GOLIM4: variants seen among roughly 807,000 people sequenced by gnomAD.
The protein encoded by GOLIM4 is golgi integral membrane protein 4.
A neutral mutation model predicts 107.4 loss-of-function variants in GOLIM4; 71 were observed. That is an observed-to-expected ratio of 0.66 (90% CI 0.55 to 0.81). GOLIM4 has a LOEUF of 0.81. Among genes scored for constraint, GOLIM4 ranks in the 30% least tolerant of loss-of-function variants. The pLI is 0.00. For synonymous variants in GOLIM4, 327 were observed against 294.8 expected (o/e 1.11, Z -1.12); for missense variants, 830 against 826.1 (o/e 1.00, Z -0.06).
At chr3:168,075,541 G>A (rs538780747) in intron 1 of GOLIM4, among the ~76,000 whole-genome samples, 3 of 151,678 alleles carry the variant, frequency 2.0e-5, no homozygotes, top group South Asian at 2.1e-4. Context: ...CTCGTGATCC[G>A]CCTGCCTCGG....
At chr3:168,051,972 G>C (rs1040514407) in intron 1 of GOLIM4, among the ~76,000 whole-genome samples, 1 of 152,138 alleles carries the variant, frequency 6.6e-6, no homozygotes, top group African/African-American at 2.4e-5. Flanking sequence ...CCTTCGAACT[G>C]AAAAATCTAG....
chr3:168,043,351 T>A, intron 5 of GOLIM4, 28 bp downstream of exon 5: 1 of 1,532,100 alleles, frequency 6.5e-7, no homozygotes, highest in South Asian at 1.2e-5. Context: ...TATTTAGAGA[T>A]AAACTGGCTA....
rs368453798 is a variant in GOLIM4 at position 168,024,505 on chromosome 3, C to T, written c.1860+21G>A. ...TGTGACAGACCAATCTGATCAGTCT[C>T]TGGGATTCAATCCTTACTACCTCCT... On this transcript the variant is annotated intron_variant, in intron 14 of 15. Transcript: ENST00000470487. The T allele has an allele frequency of 2.7e-4, 423 of 1,538,992 alleles. 2 individuals are homozygous for T. The highest frequency in any genetic ancestry group is 1.7e-4 in the Middle Eastern group (1 of 5,940).
At chr3:168,027,886 T>C (rs939261810) in intron 11 of GOLIM4, 49 bp from the exon 12 acceptor site, 1 of 1,220,236 alleles carries the variant, frequency 8.2e-7, no homozygotes, top group African/African-American at 1.5e-5. Flanking sequence ...TCAAACAGGA[T>C]TTCCCTTTCA....
At chr3:168,045,221 C>T (rs1261195157) in intron 3 of GOLIM4, among the ~76,000 whole-genome samples, 1 of 152,056 alleles carries the variant, frequency 6.6e-6, no homozygotes, top group Non-Finnish European at 1.5e-5. Context: ...AGTCACCGCG[C>T]AGGGCTAATA....
intron 1 of GOLIM4, among the ~76,000 whole-genome samples, chr3:168,057,614 G>T (rs1318199399): frequency 6.6e-6 from 1 of 152,136 alleles, no homozygotes; most frequent in African/African-American, 2.4e-5. Flanking sequence ...CTCCCACCAG[G>T]TCCCTCCCTC....
chr3:168,024,534 C>T lies in GOLIM4; in HGVS notation c.1852G>A (p.Glu618Lys). The stretch of plus-strand genomic sequence containing the variant: ...GATTCAATCCTTACTACCTCCTCTT[C>T]TGCCTCTTCCTGGTACTGTTCATCA... ...NVDEQYQEEA[E>K]EEVQEDLTEE... Residue 618 changes from glutamate (E) to lysine (K), a missense_variant, in exon 14 of 16, where the codon GAA (glutamate) becomes AAA (lysine). Glu to Lys is a moderately conservative substitution (Grantham distance 56). Transcript: ENST00000470487. 6.2e-7 allele frequency: 1 copy of T among 1,609,178 alleles called. No individual in the cohort carries two copies. The highest frequency in any genetic ancestry group is 8.5e-7 in the Non-Finnish European group (1 of 1,175,446).
intron 10 of GOLIM4, 33 bp downstream of exon 10, chr3:168,029,746 GC>G (rs760658449): frequency 4.4e-6 from 7 of 1,604,334 alleles, no homozygotes; most frequent in Non-Finnish European, 4.3e-6. Context: ...TGGAGCAGGG[GC>G]TGTCTTCGTT....
At chr3:168,078,372 C>A (rs1329464490) in intron 1 of GOLIM4, among the ~76,000 whole-genome samples, 1 of 152,050 alleles carries the variant, frequency 6.6e-6, no homozygotes, top group Non-Finnish European at 1.5e-5. Flanking sequence ...ATCACCACTG[C>A]CCTTTTGCCA....
intron 1 of GOLIM4, among the ~76,000 whole-genome samples, chr3:168,053,485 A>G (rs1200188095): frequency 6.6e-6 from 1 of 152,260 alleles, no homozygotes; most frequent in African/African-American, 2.4e-5. Context: ...AAGTACCTCT[A>G]TCTTCTTATA....
chr3:168,045,448 T>C (rs1015216713), intron 3 of GOLIM4, among the ~76,000 whole-genome samples: 4 of 152,096 alleles, frequency 2.6e-5, no homozygotes, highest in African/African-American at 9.7e-5. Context: ...CAAGAGCAAA[T>C]ATTTCATTAA....
At chr3:168,016,809 G>T (rs868556694) in intron 14 of GOLIM4, among the ~76,000 whole-genome samples, 2 of 140,014 alleles carry the variant, frequency 1.4e-5, no homozygotes, top group Non-Finnish European at 2.9e-5. Context: ...ACCAAACACC[G>T]CATATTCTCA....
intron 13 of GOLIM4, 151 bp downstream of exon 13, chr3:168,024,777 G>T: frequency 1.2e-6 from 1 of 843,328 alleles, no homozygotes. Flanking sequence ...CTCTCTCTCA[G>T]AGTACAGGCA....
At chr3:168,067,507 TTTAA>T (rs1367077475) in intron 1 of GOLIM4, among the ~76,000 whole-genome samples, 2 of 149,688 alleles carry the variant, frequency 1.3e-5, no homozygotes, top group African/African-American at 5.0e-5. Flanking sequence ...AGTAGTTGCC[TTTAA>T]TTAAAAAAAA....
At chr3:168,064,528 A>G (rs1253955564) in intron 1 of GOLIM4, among the ~76,000 whole-genome samples, 1 of 152,162 alleles carries the variant, frequency 6.6e-6, no homozygotes, top group African/African-American at 2.4e-5. Flanking sequence ...ATGCATAGGA[A>G]TTCATTGGCA....
At chr3:168,083,570 C>G (rs572811920) in intron 1 of GOLIM4, among the ~76,000 whole-genome samples, 2 of 152,234 alleles carry the variant, frequency 1.3e-5, no homozygotes, top group African/African-American at 4.8e-5. Flanking sequence ...CCACTTCTTG[C>G]TAATATATTT....
chr3:168,055,962 CGTAA>C (rs540953590), intron 1 of GOLIM4, among the ~76,000 whole-genome samples: 71 of 152,344 alleles, frequency 4.7e-4, no homozygotes, highest in Admixed American at 1.2e-3. Flanking sequence ...CAGAAATTTG[CGTAA>C]GTAACTAGGA....
At chr3:168,080,051 G>A (rs946353053) in intron 1 of GOLIM4, among the ~76,000 whole-genome samples, 2 of 152,108 alleles carry the variant, frequency 1.3e-5, no homozygotes, top group Admixed American at 1.3e-4. Flanking sequence ...CATGTGCTAC[G>A]TAAAAATGAG....
At chr3:168,017,630 G>A (rs1161569416) in intron 14 of GOLIM4, among the ~76,000 whole-genome samples, 2 of 152,232 alleles carry the variant, frequency 1.3e-5, no homozygotes, top group African/African-American at 4.8e-5. Flanking sequence ...GATCAAGCTT[G>A]TCCAACCTGT....
Sources: allele counts gnomAD v4.1 joint callset (sites outside exome capture counted in the v4.1 genomes callset), GRCh38; gene constraint gnomAD v4.1.1; transcripts MANE v1.5; gene names NCBI Gene and HGNC (gene_info 2026-07-23, HGNC 2026-07-21).